LDLRAD3: variants seen among roughly 807,000 people sequenced by gnomAD.
LDLRAD3 encodes the protein low-density lipoprotein receptor class A domain-containing protein 3.
In LDLRAD3, 20 loss-of-function variants were observed where a neutral mutation model predicts 29.4. The ratio of observed to expected loss-of-function variants is 0.68; its 90% confidence interval spans 0.48 to 0.99. The LOEUF is 0.99. Ranked by LOEUF, LDLRAD3 falls within the 50% of genes least tolerant of loss-of-function variation. The pLI is 0.00. For missense variants in LDLRAD3, 420 were observed against 454.3 expected (o/e 0.92, Z 0.69); for synonymous variants, 157 against 192.7 (o/e 0.81, Z 1.53).
chr11:36,143,030 G>A lies in LDLRAD3; in HGVS notation c.454+44569G>A, dbSNP rs114456168. ...TACATAACAAACATTGATTAAACAC[G>A]TACTATGTGGTAGGCACTATGCTAA... On this transcript the variant is annotated intron_variant, in intron 4 of 5. Coordinates refer to ENST00000315571, the MANE Select transcript of LDLRAD3 (RefSeq NM_174902.4). 3.0e-3 allele frequency among the ~76,000 whole-genome samples: 460 copies of A among 152,288 alleles called. 1 individual carries two copies. The highest frequency in any genetic ancestry group is 0.01 in the African/African-American group (422 of 41,564).
intron 1 of LDLRAD3, among the ~76,000 whole-genome samples, chr11:35,975,176 G>A (rs1182109721): frequency 6.6e-6 from 1 of 152,162 alleles, no homozygotes; most frequent in Non-Finnish European, 1.5e-5. Context: ...GGAACTGCTT[G>A]GGTATAGGAC....
chr11:36,078,916 A>G (rs112203614), intron 2 of LDLRAD3, among the ~76,000 whole-genome samples: 38 of 152,286 alleles, frequency 2.5e-4, no homozygotes, highest in African/African-American at 8.7e-4. Flanking sequence ...GGCCAGTCCC[A>G]TAAGTCCCAG....
At chr11:35,976,580 T>C (rs542708013) in intron 1 of LDLRAD3, among the ~76,000 whole-genome samples, 31 of 152,232 alleles carry the variant, frequency 2.0e-4, no homozygotes, top group Middle Eastern at 3.4e-3. Context: ...TGTACCCTCA[T>C]TTCCTCCCCT....
intron 1 of LDLRAD3, among the ~76,000 whole-genome samples, chr11:36,014,161 G>A (rs897305328): frequency 3.3e-5 from 5 of 152,198 alleles, no homozygotes; most frequent in Non-Finnish European, 5.9e-5. Context: ...AGACCTTTGC[G>A]TGTTTACACA....
chr11:36,066,048 A>G (rs1385242251), intron 2 of LDLRAD3, among the ~76,000 whole-genome samples: 2 of 152,204 alleles, frequency 1.3e-5, no homozygotes, highest in Non-Finnish European at 2.9e-5. Flanking sequence ...TTCTTTTGGC[A>G]AAGATAACCC....
At chr11:35,991,060 C>T (rs374046376) in intron 1 of LDLRAD3, among the ~76,000 whole-genome samples, 11 of 152,286 alleles carry the variant, frequency 7.2e-5, no homozygotes, top group South Asian at 2.1e-4. Flanking sequence ...CTGAATTCTG[C>T]GGTCTTTTCA....
rs576526249 is a variant in LDLRAD3 at position 36,048,020 on chromosome 11, G to C, written c.193+11771G>C. 5.5e-5 allele frequency among the ~76,000 whole-genome samples: 7 copies of C among 126,786 alleles called. No homozygotes were observed. In the East Asian group the frequency reaches 1.6e-3, roughly 29 times the overall value. The allele number at this position is 126,786 out of a possible 152,430, so 83.2% of individuals were successfully genotyped here. On this transcript the variant is annotated intron_variant, in intron 2 of 5. Transcript: ENST00000315571. ...AGTGCTGGCTCCTGGTGCATAGCAG[G>C]CACTTAATACGATACACTTTTCCAT...
chr11:36,189,727 C>T (rs867045406), intron 4 of LDLRAD3, among the ~76,000 whole-genome samples: 1 of 152,096 alleles, frequency 6.6e-6, no homozygotes, highest in Non-Finnish European at 1.5e-5. Flanking sequence ...TTCCCTCCCC[C>T]CTTCCCCCAC....
chr11:36,084,547 C>T (rs1168209168), intron 3 of LDLRAD3, among the ~76,000 whole-genome samples: 1 of 152,130 alleles, frequency 6.6e-6, no homozygotes, highest in Non-Finnish European at 1.5e-5. Context: ...AAGTATGAGT[C>T]AAACTATTTA....
chr11:36,053,456 A>G (rs1341990750), intron 2 of LDLRAD3, among the ~76,000 whole-genome samples: 1 of 152,186 alleles, frequency 6.6e-6, no homozygotes, highest in Non-Finnish European at 1.5e-5. Context: ...AGAAATGCTC[A>G]GGCTTTTGAT....
At chr11:36,028,650 C>T (rs1435082105) in intron 1 of LDLRAD3, among the ~76,000 whole-genome samples, 2 of 151,966 alleles carry the variant, frequency 1.3e-5, no homozygotes, top group East Asian at 1.9e-4. Context: ...TGTTAATTAC[C>T]CTTCCCAAAA....
At chr11:35,949,679 A>T (rs1490472716) in intron 1 of LDLRAD3, among the ~76,000 whole-genome samples, 4 of 152,110 alleles carry the variant, frequency 2.6e-5, no homozygotes, top group Non-Finnish European at 4.4e-5. Flanking sequence ...TTCCTTTAAG[A>T]CACTTTTCCT....
At chr11:36,223,222 G>A (rs929164507) in intron 4 of LDLRAD3, among the ~76,000 whole-genome samples, 51 of 152,220 alleles carry the variant, frequency 3.4e-4, no homozygotes, top group African/African-American at 1.1e-3. Context: ...GCTGCGTCTC[G>A]CCTGCCAAAG....
chr11:36,145,131 C>A (rs1854163142), intron 4 of LDLRAD3, among the ~76,000 whole-genome samples: 1 of 119,360 alleles, frequency 8.4e-6, no homozygotes, highest in Non-Finnish European at 1.8e-5. Context: ...CCCGCCCGGC[C>A]AGCTGCCCCA....
chr11:36,136,523 G>T (rs995976341), intron 4 of LDLRAD3, among the ~76,000 whole-genome samples: 1 of 151,992 alleles, frequency 6.6e-6, no homozygotes, highest in African/African-American at 2.4e-5. Flanking sequence ...TTAAAAGTGT[G>T]TGGCACCTCC....
chr11:36,137,860 T>C (rs897391058), intron 4 of LDLRAD3, among the ~76,000 whole-genome samples: 7 of 152,244 alleles, frequency 4.6e-5, no homozygotes, highest in Non-Finnish European at 8.8e-5. Context: ...ACCATTTACA[T>C]ATTTATTTGC....
intron 4 of LDLRAD3, among the ~76,000 whole-genome samples, chr11:36,175,202 C>CT (rs1177278807): frequency 4.0e-5 from 6 of 151,872 alleles, no homozygotes; most frequent in Admixed American, 6.6e-5. Flanking sequence ...GAGCTCTCTT[C>CT]TTTTTTTTGG....
At chr11:36,176,939 G>A (rs1590333223) in intron 4 of LDLRAD3, among the ~76,000 whole-genome samples, 1 of 152,128 alleles carries the variant, frequency 6.6e-6, no homozygotes, top group East Asian at 1.9e-4. Context: ...TTCTTACTCA[G>A]GAATACCAAT....
chr11:35,987,700 T>G (rs957431528), intron 1 of LDLRAD3, among the ~76,000 whole-genome samples: 1 of 152,224 alleles, frequency 6.6e-6, no homozygotes, highest in Non-Finnish European at 1.5e-5. Flanking sequence ...TCTTTGCTAT[T>G]GTGAATGGTG....
Sources: gnomAD v4.1 joint callset for allele counts (sites outside exome capture counted in the v4.1 genomes callset) on GRCh38, gnomAD v4.1.1 for gene constraint, MANE v1.5 for transcripts, NCBI Gene and HGNC (gene_info 2026-07-23, HGNC 2026-07-21) for gene names.